Variants in VRK1 observed in about 807,000 individuals in gnomAD.
VRK1 encodes VRK serine/threonine kinase 1, also known as serine/threonine-protein kinase VRK1.
In VRK1, 33 loss-of-function variants were observed where a neutral mutation model predicts 57.1. That is an observed-to-expected ratio of 0.58 (90% CI 0.44 to 0.77). The LOEUF is 0.77. Ranked by LOEUF, VRK1 falls within the 30% of genes least tolerant of loss-of-function variation. The pLI, the probability that VRK1 is intolerant of heterozygous loss-of-function variation, is 0.00. For missense variants in VRK1, 413 were observed against 477.3 expected, an observed-to-expected ratio of 0.87 and a Z score of 1.25; for synonymous variants, 137 against 147.8, an observed-to-expected ratio of 0.93 and a Z score of 0.53.
intron 5 of VRK1, among the ~76,000 whole-genome samples, chr14:96,850,933 T>C (rs1394685978): frequency 2.6e-5 from 4 of 152,194 alleles, no homozygotes; most frequent in Non-Finnish European, 5.9e-5. Context: ...ATTTTCAGAT[T>C]TGAGATGCTC....
In VRK1 at chr14:96,797,466, A is replaced by G. The variant is rs1885474119; in HGVS notation, c.-6+19A>G. 6.6e-6 allele frequency: 1 copy of G among 152,168 alleles called. No individual in the cohort carries two copies. Among genetic ancestry groups the G allele is most frequent in the Non-Finnish European group, 1.5e-5 (1 of 68,154 alleles). 9.4% of individuals were successfully genotyped at this position (152,168 alleles called of 1,614,324 possible). The stretch of plus-strand genomic sequence containing the variant: ...GCTTAGGGTAGGGAGGCCGCAGGCG[A>G]CACGGCTCGAGGACTCGCGCGCCGA... On this transcript the variant is annotated intron_variant, in intron 1 of 12. Transcript: ENST00000216639.
intron 12 of VRK1, among the ~76,000 whole-genome samples, chr14:96,877,988 G>T (rs1034989142): frequency 1.3e-5 from 2 of 152,040 alleles, no homozygotes; most frequent in Non-Finnish European, 2.9e-5. Flanking sequence ...AATTTAAGGA[G>T]AACAATTCAG....
intron 3 of VRK1, among the ~76,000 whole-genome samples, chr14:96,840,245 C>G (rs1887401159): frequency 6.6e-6 from 1 of 152,156 alleles, no homozygotes; most frequent in Non-Finnish European, 1.5e-5. Flanking sequence ...TGTTTTCTGT[C>G]TCTTAGGGGT....
At chr14:96,862,176 G>T (rs1489880147) in intron 11 of VRK1, among the ~76,000 whole-genome samples, 3 of 151,946 alleles carry the variant, frequency 2.0e-5, no homozygotes, top group Non-Finnish European at 4.4e-5. Context: ...CTGCAGGTTG[G>T]CTGACTTTAC....
intron 1 of VRK1, among the ~76,000 whole-genome samples, chr14:96,832,093 T>C (rs1029070693): frequency 2.1e-5 from 3 of 141,846 alleles, no homozygotes; most frequent in Non-Finnish European, 3.0e-5. Context: ...CGAAGATGCA[T>C]TAGTATTCTA....
chr14:96,813,830 G>T lies in VRK1; in HGVS notation c.-6+16383G>T, dbSNP rs548563205. 2.6e-5 allele frequency among the ~76,000 whole-genome samples: 4 copies of T among 152,108 alleles called. No individual in the cohort carries two copies. The South Asian group carries it at 6.2e-4, about 24-fold the overall frequency. ...GTGCTCTCTTTTAATTAGCAAAAAG[G>T]CATTTTTACAAAAATTACACTTTCC... On this transcript the variant is annotated intron_variant, in intron 1 of 12. Coordinates refer to ENST00000216639, the MANE Select transcript of VRK1 (RefSeq NM_003384.3).
At chr14:96,837,456 T>C (rs995119786) in intron 2 of VRK1, among the ~76,000 whole-genome samples, 1 of 152,208 alleles carries the variant, frequency 6.6e-6, no homozygotes, top group African/African-American at 2.4e-5. Flanking sequence ...CAATATCCAC[T>C]AGCATATCAA....
chr14:96,812,252 C>T (rs1886234147), intron 1 of VRK1, among the ~76,000 whole-genome samples: 1 of 152,076 alleles, frequency 6.6e-6, no homozygotes, highest in Non-Finnish European at 1.5e-5. Flanking sequence ...CATTTATGTA[C>T]AAGTTGTTGT....
At chr14:96,881,109 A>G (rs1889241854) in intron 12 of VRK1, 68 bp from the exon 13 acceptor site, 2 of 1,319,032 alleles carry the variant, frequency 1.5e-6, no homozygotes, top group African/African-American at 2.9e-5. Flanking sequence ...AGGGATATTT[A>G]TATTTCTGTT....
At chr14:96,836,266 C>A (rs1261865736) in intron 2 of VRK1, among the ~76,000 whole-genome samples, 1 of 152,018 alleles carries the variant, frequency 6.6e-6, no homozygotes, top group Middle Eastern at 3.2e-3. Context: ...TGCCCCTTGC[C>A]CCTATACTCC....
At chr14:96,844,414 C>T (rs1887591185) in intron 3 of VRK1, among the ~76,000 whole-genome samples, 1 of 152,154 alleles carries the variant, frequency 6.6e-6, no homozygotes, top group African/African-American at 2.4e-5. Flanking sequence ...GTATACTTAC[C>T]TGTAACAAAT....
At chr14:96,830,668 A>G (rs1210713315) in intron 1 of VRK1, among the ~76,000 whole-genome samples, 3 of 152,156 alleles carry the variant, frequency 2.0e-5, no homozygotes, top group Admixed American at 6.5e-5. Context: ...AAAAATACCA[A>G]CTTAGTGTGG....
chr14:96,826,659 T>G (rs902207894), intron 1 of VRK1, among the ~76,000 whole-genome samples: 1 of 152,232 alleles, frequency 6.6e-6, no homozygotes, highest in Admixed American at 6.5e-5. Context: ...AATAGAAACC[T>G]TAATGCAAGC....
rs563018998 is a variant in VRK1, at chr14:96,798,120, T to C, written c.-6+673T>C. ...ATCGCGGGGAGGCCCCGTGATCCTG[T>C]ACTTGAGGGTCTGTCTGGTGCAAGG... On this transcript the variant is annotated intron_variant, in intron 1 of 12. Transcript: ENST00000216639. Among the ~76,000 whole-genome samples, 4 of 152,290 alleles carry C rather than the reference T, an allele frequency of 2.6e-5. No homozygotes were observed. The East Asian group carries it at 7.7e-4, about 29-fold the overall frequency.
At chr14:96,879,477 A>G (rs1889167532) in intron 12 of VRK1, among the ~76,000 whole-genome samples, 1 of 152,116 alleles carries the variant, frequency 6.6e-6, no homozygotes, top group Non-Finnish European at 1.5e-5. Context: ...ATGTAACTTT[A>G]TAGTTGTTAA....
intron 12 of VRK1, among the ~76,000 whole-genome samples, chr14:96,876,817 A>T (rs1889054499): frequency 6.6e-6 from 1 of 151,706 alleles, no homozygotes; most frequent in African/African-American, 2.4e-5. Context: ...AAAACAAGGT[A>T]TGAAGTCATT....
intron 11 of VRK1, among the ~76,000 whole-genome samples, chr14:96,869,720 A>T (rs77299093): frequency 0.011 from 1,674 of 152,232 alleles, 27 homozygotes; most frequent in South Asian, 0.064. Flanking sequence ...ATACGAGAAG[A>T]TAATAGTACT....
chr14:96,821,047 C>CT (rs1886578396), intron 1 of VRK1, among the ~76,000 whole-genome samples: 1 of 152,118 alleles, frequency 6.6e-6, no homozygotes, highest in Admixed American at 6.5e-5. Context: ...TTATTAAAGG[C>CT]TTCAGAAACA....
At position 96,827,963 on chromosome 14, in the gene VRK1, C is replaced by T. The variant is rs150576198; in HGVS notation, c.-5-5504C>T. Among the ~76,000 whole-genome samples, 792 of 152,314 alleles carry T rather than the reference C, an allele frequency of 5.2e-3. 2 individuals are homozygous for T. The highest frequency in any genetic ancestry group is 0.014 in the Middle Eastern group (4 of 294). On this transcript the variant is annotated intron_variant, in intron 1 of 12. Transcript: ENST00000216639. ...TAGAATGCTACCAGATCCCTAGGAA[C>T]CATCCACCTCCAGCCATTTCTTCTG... is the stretch of plus-strand genomic sequence containing the variant.
Sources: gnomAD v4.1 joint callset for allele counts (sites outside exome capture counted in the v4.1 genomes callset) on GRCh38, gnomAD v4.1.1 for gene constraint, MANE v1.5 for transcripts, NCBI Gene and HGNC (gene_info 2026-07-23, HGNC 2026-07-21) for gene names.